SYT2: variants seen among roughly 807,000 people sequenced by gnomAD.
SYT2 encodes synaptotagmin-2.
A neutral mutation model predicts 39.9 loss-of-function variants in SYT2; 15 were observed. The ratio of observed to expected loss-of-function variants is 0.38; its 90% confidence interval spans 0.25 to 0.58. SYT2 has a LOEUF of 0.58. SYT2 is among the 20% of genes least tolerant of loss of function. The probability of loss-of-function intolerance (pLI) is 0.70; values close to 1 mark genes in which losing one functional copy is unlikely to be tolerated. For missense variants in SYT2, 389 were observed against 530.3 expected, an observed-to-expected ratio of 0.73 and a Z score of 2.62; for synonymous variants, 181 against 204.5, an observed-to-expected ratio of 0.89 and a Z score of 0.98.
intron 1 of SYT2, among the ~76,000 whole-genome samples, chr1:202,669,111 C>A (rs149395565): frequency 1.2e-3 from 189 of 152,362 alleles, no homozygotes; most frequent in African/African-American, 4.4e-3. Flanking sequence ...GGCTAAGCAA[C>A]TACTAACACA....
intron 1 of SYT2, among the ~76,000 whole-genome samples, chr1:202,703,389 T>G (rs1654169600): frequency 1.3e-5 from 2 of 151,148 alleles, no homozygotes; most frequent in East Asian, 1.9e-4. Context: ...AGGAAGGGAG[T>G]AAAAAGAAGG....
chr1:202,641,692 G>A (rs1436521871), intron 1 of SYT2, among the ~76,000 whole-genome samples: 1 of 152,130 alleles, frequency 6.6e-6, no homozygotes, highest in East Asian at 1.9e-4. Context: ...TTTCTAAAAC[G>A]AGACAATTCC....
rs1320550195 is a variant in SYT2, at chr1:202,623,614, C to T, written c.-17-17825G>A. Among the ~76,000 whole-genome samples the T allele has an allele frequency of 6.6e-6, 1 of 152,186 alleles. No individual in the cohort carries two copies. Among genetic ancestry groups the T allele is most frequent in the Non-Finnish European group, 1.5e-5 (1 of 68,022 alleles). ...TGGGGACAGATGGAGGCTTGGGGACCAGCGGGCCCTGGGCTGCCTGGTGTA... is the reference window on the plus strand; with the variant it reads ...TGGGGACAGATGGAGGCTTGGGGACTAGCGGGCCCTGGGCTGCCTGGTGTA... On this transcript the variant is annotated intron_variant, in intron 1 of 8. Transcript: ENST00000367268. This position sits in a 1 kb window ranked among gnomAD's most constrained non-coding sequence, Gnocchi z 4.2.
chr1:202,655,574 G>T (rs999939603), intron 1 of SYT2, among the ~76,000 whole-genome samples: 1 of 152,128 alleles, frequency 6.6e-6, no homozygotes, highest in Non-Finnish European at 1.5e-5. Flanking sequence ...TTGCAGGAGA[G>T]GTGTTCCTAT....
At chr1:202,698,268 A>G (rs1439135079) in intron 1 of SYT2, among the ~76,000 whole-genome samples, 1 of 152,202 alleles carries the variant, frequency 6.6e-6, no homozygotes, top group Non-Finnish European at 1.5e-5. Flanking sequence ...ACAGCAGTAC[A>G]GTCAAGGTTG....
At position 202,629,553 on chromosome 1, in the gene SYT2, G is replaced by A. The variant is rs1028214146; in HGVS notation, c.-17-23764C>T. Among the ~76,000 whole-genome samples the A allele has an allele frequency of 2.8e-4, 42 of 152,144 alleles. 1 individual carries two copies. Among genetic ancestry groups the A allele is most frequent in the Non-Finnish European group, 7.3e-5 (5 of 68,034 alleles). On this transcript the variant is annotated intron_variant, in intron 1 of 8. Transcript: ENST00000367268. ...TAGCTGCCACTCCCATCCTATAGAT[G>A]ACAACACTGGGATGTGAAGAGGTGA...
intron 1 of SYT2, chr1:202,627,530 G>A (rs1572637883): frequency 1.0e-6 from 1 of 985,334 alleles, no homozygotes; most frequent in Non-Finnish European, 1.2e-6. Flanking sequence ...CAGGCGCACT[G>A]CCTTGCAGTG....
chr1:202,654,958 G>A (rs1473822863), intron 1 of SYT2, among the ~76,000 whole-genome samples: 1 of 152,200 alleles, frequency 6.6e-6, no homozygotes, highest in Non-Finnish European at 1.5e-5. Flanking sequence ...CTTTGGTATT[G>A]GGTTGGGGGA....
intron 1 of SYT2, among the ~76,000 whole-genome samples, chr1:202,618,046 G>A (rs962939938): frequency 2.0e-5 from 3 of 152,070 alleles, no homozygotes; most frequent in South Asian, 2.1e-4. Context: ...GGGATTACAG[G>A]TGCCCACCAC....
chr1:202,659,715 C>G (rs998398218), intron 1 of SYT2, among the ~76,000 whole-genome samples: 3 of 152,204 alleles, frequency 2.0e-5, no homozygotes, highest in Admixed American at 1.3e-4. Context: ...CCCTTCTCCT[C>G]TAATGTTGGG....
intron 1 of SYT2, among the ~76,000 whole-genome samples, chr1:202,609,984 T>C (rs905978090): frequency 6.6e-6 from 1 of 152,242 alleles, no homozygotes; most frequent in African/African-American, 2.4e-5. Context: ...TGAATGGTAT[T>C]GCCTAGGCTT....
Position 202,619,237 on chromosome 1 carries a change from G to A in SYT2, c.-17-13448C>T, listed in dbSNP as rs1469485370. 2.0e-5 allele frequency among the ~76,000 whole-genome samples: 3 copies of A among 152,198 alleles called. No homozygotes were observed. In the South Asian group the frequency reaches 6.2e-4, roughly 32 times the overall value. Reference sequence around the variant, plus strand: ...GGGAGAGCAGCCAGCTGGAAGACTTGAGGATGATAAATGGATCAGGGTGCC... The same window carrying A: ...GGGAGAGCAGCCAGCTGGAAGACTTAAGGATGATAAATGGATCAGGGTGCC... On this transcript the variant is annotated intron_variant, in intron 1 of 8. Coordinates refer to ENST00000367268, the MANE Select transcript of SYT2 (RefSeq NM_177402.5).
intron 1 of SYT2, among the ~76,000 whole-genome samples, chr1:202,692,916 A>G (rs1286275138): frequency 6.6e-6 from 1 of 152,200 alleles, no homozygotes; most frequent in East Asian, 1.9e-4. Flanking sequence ...TTTTAAAAAT[A>G]TTATTGAAAA....
At chr1:202,653,634 C>A (rs768354118) in intron 1 of SYT2, among the ~76,000 whole-genome samples, 16 of 152,200 alleles carry the variant, frequency 1.1e-4, no homozygotes, top group Non-Finnish European at 2.1e-4. Flanking sequence ...GCCCACTCCC[C>A]ACAAACACTG....
intron 1 of SYT2, among the ~76,000 whole-genome samples, chr1:202,666,855 G>T (rs1692489723): frequency 6.6e-6 from 1 of 152,172 alleles, no homozygotes; most frequent in Non-Finnish European, 1.5e-5. Context: ...GATGGCAGGT[G>T]CCTGTGATCC....
At chr1:202,662,484 C>A (rs1692400166) in intron 1 of SYT2, among the ~76,000 whole-genome samples, 1 of 152,258 alleles carries the variant, frequency 6.6e-6, no homozygotes, top group African/African-American at 2.4e-5. Flanking sequence ...CATAGTCTAC[C>A]TGGACTATGA....
chr1:202,700,096 C>T (rs1017268321), intron 1 of SYT2, among the ~76,000 whole-genome samples: 13 of 152,076 alleles, frequency 8.5e-5, no homozygotes, highest in Non-Finnish European at 1.6e-4. Flanking sequence ...GGGGACTCTC[C>T]CTAGACACCC....
At chr1:202,620,366 T>A (rs1392736433) in intron 1 of SYT2, among the ~76,000 whole-genome samples, 2 of 152,170 alleles carry the variant, frequency 1.3e-5, no homozygotes, top group Non-Finnish European at 2.9e-5. Context: ...GTTAACTGCC[T>A]CTGGCCCCCT....
At chr1:202,640,008 AGAT>A (rs1691853875) in intron 1 of SYT2, among the ~76,000 whole-genome samples, 2 of 152,228 alleles carry the variant, frequency 1.3e-5, no homozygotes, top group South Asian at 4.1e-4. Flanking sequence ...CCCTTTTCAC[AGAT>A]GAGATAATTG....
Sources: gnomAD v4.1 joint callset for allele counts (sites outside exome capture counted in the v4.1 genomes callset) on GRCh38, gnomAD v4.1.1 for gene constraint, Gnocchi (gnomAD v3.1) non-coding constraint, MANE v1.5 for transcripts, NCBI Gene and HGNC (gene_info 2026-07-23, HGNC 2026-07-21) for gene names.